ABCG8: variants seen among roughly 807,000 people sequenced by gnomAD.
The protein encoded by ABCG8 is ATP binding cassette subfamily G member 8, also known as ATP-binding cassette sub-family G member 8.
A neutral mutation model predicts 71.3 loss-of-function variants in ABCG8; 81 were observed. The observed-to-expected ratio is 1.14, with a 90% CI of 0.95 to 1.37. The LOEUF (loss-of-function observed/expected upper bound fraction) is 1.37, where lower values mean the gene tolerates loss of function less well. Among genes scored for constraint, ABCG8 ranks in the 40% most tolerant of loss-of-function variants. The pLI is 0.00. For synonymous variants in ABCG8, 451 were observed against 354.7 expected (o/e 1.27, Z -3.05); for missense variants, 1,119 against 866.2 (o/e 1.29, Z -3.66).
chr2:43,850,630 T>C (rs575804548), intron 3 of ABCG8, among the ~76,000 whole-genome samples: 1 of 152,302 alleles, frequency 6.6e-6, no homozygotes, highest in South Asian at 2.1e-4. Flanking sequence ...AGGTGAATCC[T>C]TTTTTAAAAA....
In ABCG8 at chr2:43,852,505, G is replaced by C. The variant is rs1275192035; in HGVS notation, c.694+19G>C. ...AACCCAGGTGAGGGCCTGGGGGGCA[G>C]ATGGGGGCAGAGGGACCTGTGCGGT... On this transcript the variant is annotated intron_variant, in intron 5 of 12. Transcript: ENST00000272286. 1 of 1,613,556 alleles carries C rather than the reference G, an allele frequency of 6.2e-7. No homozygotes were observed. Among genetic ancestry groups the C allele is most frequent in the South Asian group, 1.1e-5 (1 of 91,072 alleles).
rs1669923329 is a variant in ABCG8 at position 43,875,310 on chromosome 2, C to A, written c.1653C>A (p.Ala551=). ...GGATTATGGCCCTGGCCGCCGCGGCCCTGCTCCCCACCTTCCACATGGCCT... is the reference window on the plus strand; with the variant it reads ...GGATTATGGCCCTGGCCGCCGCGGCACTGCTCCCCACCTTCCACATGGCCT... ...CCRIMALAAA[A]LLPTFHMASF... The change falls in exon 11 of 13, where the codon GCC becomes GCA. Residue 551 remains alanine, a synonymous_variant. Transcript: ENST00000272286. The A allele has an allele frequency of 6.2e-7, 1 of 1,614,034 alleles. No individual in the cohort carries two copies. Among genetic ancestry groups the A allele is most frequent in the African/African-American group, 1.3e-5 (1 of 74,942 alleles).
chr2:43,865,259 A>G (rs1458288225), intron 6 of ABCG8, among the ~76,000 whole-genome samples: 2 of 144,214 alleles, frequency 1.4e-5, no homozygotes, highest in Non-Finnish European at 3.1e-5. Flanking sequence ...TACAATTCTC[A>G]TCATCTGCTT....
Position 43,870,790 on chromosome 2 carries a change from T to C in ABCG8, c.965-1186T>C, listed in dbSNP as rs376803600. 2.0e-5 allele frequency among the ~76,000 whole-genome samples: 3 copies of C among 151,714 alleles called. No individual in the cohort carries two copies. The East Asian group carries it at 5.9e-4, about 30-fold the overall frequency. On this transcript the variant is annotated intron_variant, in intron 6 of 12. Coordinates refer to ENST00000272286, the MANE Select transcript of ABCG8 (RefSeq NM_022437.3). ...CTGGATAGAATTTTCACCATCTGGA[T>C]AGAATCTCACTATCTAGATAGAATT...
rs981853757 is a variant in ABCG8 at position 43,880,066 on chromosome 2, C to T, written c.*2153C>T. 4.6e-5 allele frequency: 7 copies of T among 152,002 alleles called. No homozygotes were observed. The highest frequency in any genetic ancestry group is 7.3e-5 in the African/African-American group (3 of 41,350). 9.4% of individuals were successfully genotyped at this position (152,002 alleles called of 1,614,324 possible). A position where few individuals can be genotyped will look rare whatever the true frequency, so the allele number is the denominator to read the frequency against. On this transcript the variant is annotated 3_prime_UTR_variant, in exon 13 of 13. Coordinates refer to ENST00000272286, the MANE Select transcript of ABCG8 (RefSeq NM_022437.3). Reference sequence around the variant, plus strand: ...ATTAATTCTGATGCTCAGCTTGTCCCTGATTTGGCCAGTGGGAACCCCGTC... The same window carrying T: ...ATTAATTCTGATGCTCAGCTTGTCCTTGATTTGGCCAGTGGGAACCCCGTC...
chr2:43,878,111 C>T lies in ABCG8; in HGVS notation c.*198C>T, dbSNP rs1670023608. 4 of 747,342 alleles carry T rather than the reference C, an allele frequency of 5.4e-6. No homozygotes were observed. The highest frequency in any genetic ancestry group is 6.6e-6 in the Non-Finnish European group (3 of 452,948). The allele number at this position is 747,342 out of a possible 1,614,324, so 46.3% of individuals were successfully genotyped here. ...TAAAGACAGTCGAAAGGGATTTCTG[C>T]TCACTGGCAGGAGACTGCGATGACT... On this transcript the variant is annotated 3_prime_UTR_variant, in exon 13 of 13. Coordinates refer to ENST00000272286, the MANE Select transcript of ABCG8 (RefSeq NM_022437.3).
At chr2:43,872,411 G>A (rs1366165173) in intron 8 of ABCG8, 105 bp downstream of exon 8, 12 of 1,333,956 alleles carry the variant, frequency 9.0e-6, no homozygotes, top group Non-Finnish European at 1.3e-5. Flanking sequence ...AAAGTGAGAG[G>A]TAGAGTCATT....
intron 6 of ABCG8, among the ~76,000 whole-genome samples, chr2:43,856,776 A>G (rs1357539888): frequency 1.3e-5 from 2 of 151,606 alleles, no homozygotes; most frequent in African/African-American, 4.8e-5. Flanking sequence ...CTCACTCTAG[A>G]TAAAACTCTC....
chr2:43,873,697 A>C, intron 8 of ABCG8, 90 bp from the exon 9 acceptor site: 1 of 1,383,664 alleles, frequency 7.2e-7, no homozygotes. Flanking sequence ...GCATAGGAGA[A>C]AAATGAGGCT....
At chr2:43,858,342 C>G (rs1040861183) in intron 6 of ABCG8, among the ~76,000 whole-genome samples, 3 of 151,554 alleles carry the variant, frequency 2.0e-5, no homozygotes, top group Admixed American at 6.6e-5. Flanking sequence ...AGAACTCTTA[C>G]TAACTGGGAG....
chr2:43,854,953 C>T (rs1669050798), intron 6 of ABCG8, among the ~76,000 whole-genome samples: 1 of 152,166 alleles, frequency 6.6e-6, no homozygotes, highest in Non-Finnish European at 1.5e-5. Context: ...GCCAAGTGTG[C>T]TGTCTCCCTC....
intron 6 of ABCG8, among the ~76,000 whole-genome samples, chr2:43,862,811 C>T (rs1669374413): frequency 2.0e-5 from 3 of 150,716 alleles, no homozygotes; most frequent in South Asian, 4.2e-4. Context: ...TTCTGATAAT[C>T]TGGTTAGCAC....
At chr2:43,846,590 G>A (rs1380182965) in intron 3 of ABCG8, 9 of 445,012 alleles carry the variant, frequency 2.0e-5, no homozygotes, top group Non-Finnish European at 2.9e-5. Context: ...ACACCTGGAC[G>A]GAGAGATCAG....
At chr2:43,854,514 C>A (rs1018172599) in intron 6 of ABCG8, among the ~76,000 whole-genome samples, 3 of 151,010 alleles carry the variant, frequency 2.0e-5, no homozygotes, top group Middle Eastern at 3.4e-3. Context: ...ATAGTACCAG[C>A]TACTTGGGAG....
rs2104919976 is a variant in ABCG8, at chr2:43,852,433, CG to C, written c.647del (p.Gly216ValfsTer37). 1 of 1,612,732 alleles carries C rather than the reference CG, an allele frequency of 6.2e-7. No individual in the cohort carries two copies. Among genetic ancestry groups the C allele is most frequent in the East Asian group, 2.2e-5 (1 of 44,854 alleles). Reference protein sequence around the residue: ...RVGNMYVRGLSGGERRRVSIG... With the variant: ...RVGNMYVRGLXGGERRRVSIG... ...GGCAACATGTACGTGCGGGGGTTGT[CG>C]GGGGGTGAGCGCAGGAGAGTCAGCA... is the stretch of plus-strand genomic sequence containing the variant. On this transcript the variant is annotated frameshift_variant, in exon 5 of 13. Transcript: ENST00000272286. LOFTEE classifies it high-confidence loss of function.
At chr2:43,854,626 CAAA>C (rs759609173) in intron 6 of ABCG8, among the ~76,000 whole-genome samples, 2 of 74,736 alleles carry the variant, frequency 2.7e-5, no homozygotes, top group Non-Finnish European at 2.5e-5. Context: ...GACTCCATCT[CAAA>C]AAAAAAAAAA....
chr2:43,842,199 G>C (rs556305889), intron 1 of ABCG8, among the ~76,000 whole-genome samples: 1 of 152,196 alleles, frequency 6.6e-6, no homozygotes, highest in South Asian at 2.1e-4. Flanking sequence ...TTTTAGTAGA[G>C]ACAGGGTTTC....
At chr2:43,844,443 C>A (rs1255924450) in intron 1 of ABCG8, 64 bp from the exon 2 acceptor site, 8 of 1,383,004 alleles carry the variant, frequency 5.8e-6, no homozygotes, top group South Asian at 2.4e-5. Context: ...TGGTTTCCTT[C>A]TTGTCTTCTC....
chr2:43,844,720 C>T (rs1039271955), intron 2 of ABCG8, 112 bp downstream of exon 2: 55 of 781,254 alleles, frequency 7.0e-5, no homozygotes, highest in Middle Eastern at 2.5e-4. Flanking sequence ...CCCGCAAGGA[C>T]AGAGTCCAGT....
Sources: allele counts gnomAD v4.1 joint callset (sites outside exome capture counted in the v4.1 genomes callset), GRCh38; gene constraint gnomAD v4.1.1; transcripts MANE v1.5; gene names NCBI Gene and HGNC (gene_info 2026-07-23, HGNC 2026-07-21).